HDAC9: variants seen among roughly 807,000 people sequenced by gnomAD.
The protein encoded by HDAC9 is MEF-2 interacting transcription repressor (MITR) protein.
In HDAC9, 41 loss-of-function variants were observed where a neutral mutation model predicts 139.4. That is an observed-to-expected ratio of 0.29 (90% CI 0.23 to 0.38). The LOEUF (loss-of-function observed/expected upper bound fraction) is 0.38, where lower values mean the gene tolerates loss of function less well. HDAC9 is among the 10% of genes least tolerant of loss of function. The pLI, the probability that HDAC9 is intolerant of heterozygous loss-of-function variation, is 1.00. For missense variants in HDAC9, 1,147 were observed against 1,297.0 expected, an observed-to-expected ratio of 0.88 and a Z score of 1.78; for synonymous variants, 517 against 476.2, an observed-to-expected ratio of 1.09 and a Z score of -1.12.
chr7:18,271,382 T>A (rs147391571), intron 2 of HDAC9, among the ~76,000 whole-genome samples: 20 of 152,314 alleles, frequency 1.3e-4, no homozygotes, highest in Middle Eastern at 3.4e-3. Context: ...TACATACATT[T>A]TAGAAGGATC....
At chr7:18,541,136 A>T (rs1015882844) in intron 2 of HDAC9, among the ~76,000 whole-genome samples, 9 of 115,956 alleles carry the variant, frequency 7.8e-5, no homozygotes, top group African/African-American at 3.2e-4. Flanking sequence ...TATCCAAGGA[A>T]CCGTGTTTTT....
intron 22 of HDAC9, among the ~76,000 whole-genome samples, chr7:18,923,631 A>T (rs1008208056): frequency 2.0e-5 from 3 of 152,006 alleles, no homozygotes; most frequent in African/African-American, 7.2e-5. Context: ...TTGACCTAAA[A>T]TGTCACCGCC....
intron 19 of HDAC9, among the ~76,000 whole-genome samples, 195 bp downstream of exon 19, chr7:18,829,743 T>G (rs1179092587): frequency 6.6e-6 from 1 of 152,218 alleles, no homozygotes; most frequent in African/African-American, 2.4e-5. Context: ...ACTTTCATGG[T>G]GTTAACTGCA....
chr7:18,479,984 C>CTTT lies in HDAC9; in HGVS notation c.-41-16262_-41-16260dup, dbSNP rs753734278. Among the ~76,000 whole-genome samples the CTTT allele has an allele frequency of 1.1e-4, 13 of 116,146 alleles. 1 individual carries two copies. Among genetic ancestry groups the CTTT allele is most frequent in the African/African-American group, 3.8e-4 (12 of 31,514 alleles). The allele number at this position is 116,146 out of a possible 152,430, so 76.2% of individuals were successfully genotyped here. A position where few individuals can be genotyped will look rare whatever the true frequency, so the allele number is the denominator to read the frequency against. ...CTTTATTTTATAAATTCCACTCTGT[C>CTTT]TTTTTTTTTTTTTTTTTTCTGGAAG... On this transcript the variant is annotated intron_variant, in intron 1 of 3. Coordinates refer to the HDAC9 transcript ENST00000413509.
intron 2 of HDAC9, among the ~76,000 whole-genome samples, chr7:18,217,631 T>C (rs1055598365): frequency 6.6e-6 from 1 of 152,182 alleles, no homozygotes; most frequent in Non-Finnish European, 1.5e-5. Context: ...TCGGAAACAT[T>C]TAGCTTGACA....
chr7:18,773,364 TACACACACACACAC>T (rs4043674), intron 16 of HDAC9, among the ~76,000 whole-genome samples: 1,543 of 142,830 alleles, frequency 0.011, 26 homozygotes, highest in East Asian at 0.041. Flanking sequence ...AAAAACTGTA[TACACACACACACAC>T]ACACACACAC....
chr7:18,703,154 A>C (rs1783635073), intron 12 of HDAC9, among the ~76,000 whole-genome samples: 1 of 152,162 alleles, frequency 6.6e-6, no homozygotes, highest in South Asian at 2.1e-4. Flanking sequence ...AGATACACTG[A>C]GTATATATAT....
At chr7:18,602,182 G>A (rs1046671534) in intron 6 of HDAC9, among the ~76,000 whole-genome samples, 14 of 152,010 alleles carry the variant, frequency 9.2e-5, no homozygotes, top group Non-Finnish European at 1.9e-4. Flanking sequence ...CCACTTGTGA[G>A]TTTTAGTAAT....
intron 2 of HDAC9, among the ~76,000 whole-genome samples, chr7:18,164,348 G>A (rs777035533): frequency 2.0e-5 from 3 of 152,222 alleles, no homozygotes; most frequent in East Asian, 1.9e-4. Flanking sequence ...TTAGGGTGCC[G>A]TATATATTCT....
At chr7:18,221,579 G>C (rs1584710082) in intron 2 of HDAC9, among the ~76,000 whole-genome samples, 1 of 152,154 alleles carries the variant, frequency 6.6e-6, no homozygotes, top group Admixed American at 6.6e-5. Flanking sequence ...TGTACACTGA[G>C]CTTCCAGAAA....
In HDAC9 at chr7:18,755,278, A is replaced by G. The variant is rs1788779474; in HGVS notation, c.2043+6140A>G. On this transcript the variant is annotated intron_variant, in intron 14 of 25. Transcript: ENST00000686413. ...TAATTGTACACCTTATAGTCAAATG[A>G]TTTAGGATTTCTTTTAACAATGTCT... Among the ~76,000 whole-genome samples the G allele has an allele frequency of 3.3e-5, 5 of 152,172 alleles. No homozygotes were observed. In the South Asian group the frequency reaches 1.0e-3, roughly 32 times the overall value.
At chr7:18,928,769 T>C (rs1230480311) in intron 22 of HDAC9, among the ~76,000 whole-genome samples, 1 of 152,106 alleles carries the variant, frequency 6.6e-6, no homozygotes, top group East Asian at 1.9e-4. Flanking sequence ...TGGCTATTTC[T>C]GGTCGATGGA....
intron 1 of HDAC9, among the ~76,000 whole-genome samples, chr7:18,458,371 T>C (rs1793536212): frequency 6.6e-6 from 1 of 152,168 alleles, no homozygotes; most frequent in Non-Finnish European, 1.5e-5. Context: ...AAATGGTTAC[T>C]AGGAAACCAT....
At chr7:18,354,079 G>A (rs898178775) in intron 1 of HDAC9, among the ~76,000 whole-genome samples, 2 of 152,104 alleles carry the variant, frequency 1.3e-5, no homozygotes, top group African/African-American at 2.4e-5. Context: ...TGAAAAAAAA[G>A]CACTAAAAAG....
intron 17 of HDAC9, among the ~76,000 whole-genome samples, chr7:18,802,897 T>C (rs150394532): frequency 6.6e-6 from 1 of 151,996 alleles, no homozygotes; most frequent in African/African-American, 2.4e-5. Flanking sequence ...TAGGTCTATC[T>C]CCTATAAACA....
intron 25 of HDAC9, among the ~76,000 whole-genome samples, chr7:18,990,789 T>C (rs1313497988): frequency 4.6e-5 from 7 of 152,240 alleles, no homozygotes; most frequent in African/African-American, 1.4e-4. Flanking sequence ...GCGCAGTATT[T>C]GGGTGGGAGT....
intron 2 of HDAC9, among the ~76,000 whole-genome samples, chr7:18,195,406 T>C (rs1044038102): frequency 4.7e-4 from 72 of 152,336 alleles, no homozygotes; most frequent in African/African-American, 1.6e-3. Context: ...AAAAATAGTA[T>C]TTCTGCAGTT....
intron 1 of HDAC9, among the ~76,000 whole-genome samples, chr7:18,111,126 T>C (rs1265412742): frequency 6.6e-6 from 1 of 152,218 alleles, no homozygotes; most frequent in Non-Finnish European, 1.5e-5. Context: ...GAATGTTCCA[T>C]GTGCCTGTGA....
chr7:18,114,631 CA>C (rs1783846819), intron 1 of HDAC9, among the ~76,000 whole-genome samples: 2 of 152,162 alleles, frequency 1.3e-5, no homozygotes, highest in Admixed American at 1.3e-4. Flanking sequence ...TCTTCAATGT[CA>C]ATCTAGATGG....
Sources: gnomAD v4.1 joint callset for allele counts (sites outside exome capture counted in the v4.1 genomes callset) on GRCh38, gnomAD v4.1.1 for gene constraint, MANE v1.5 for transcripts, NCBI Gene and HGNC (gene_info 2026-07-23, HGNC 2026-07-21) for gene names.